LRP1B: variants seen among roughly 807,000 people sequenced by gnomAD.
The protein encoded by LRP1B is low-density lipoprotein receptor-related protein 1B.
LRP1B carries 217 observed loss-of-function variants against 556.6 expected under a neutral mutation model. The observed-to-expected ratio is 0.39, with a 90% CI of 0.35 to 0.44. The LOEUF is 0.44. Ranked by LOEUF, LRP1B falls within the 20% of genes least tolerant of loss-of-function variation. LRP1B has a pLI of 1.00. For missense variants in LRP1B, 5,053 were observed against 5,620.8 expected (o/e 0.90, Z 3.23); for synonymous variants, 2,047 against 1,865.8 (o/e 1.10, Z -2.50).
Position 140,393,845 on chromosome 2 carries a change from G to C in LRP1B, c.10415-7836C>G, listed in dbSNP as rs182241379. 6.4e-4 allele frequency among the ~76,000 whole-genome samples: 98 copies of C among 152,192 alleles called. 2 individuals carry two copies. Among genetic ancestry groups the C allele is most frequent in the Non-Finnish European group, 1.0e-4 (7 of 68,012 alleles). The stretch of plus-strand genomic sequence containing the variant: ...TGTAGAAGACCTCATCTTCTCTTGG[G>C]AGGCAGATTAACCATCTCTTAACTA... On this transcript the variant is annotated intron_variant, in intron 66 of 90. Coordinates refer to ENST00000389484, the MANE Select transcript of LRP1B (RefSeq NM_018557.3).
intron 29 of LRP1B, among the ~76,000 whole-genome samples, chr2:140,849,099 G>A (rs1244301115): frequency 6.7e-6 from 1 of 150,314 alleles, no homozygotes; most frequent in Non-Finnish European, 1.5e-5. Flanking sequence ...GCTCACAGCT[G>A]TAATCCCAGC....
intron 1 of LRP1B, among the ~76,000 whole-genome samples, chr2:142,075,078 C>T (rs1219177389): frequency 2.0e-5 from 3 of 152,072 alleles, no homozygotes; most frequent in African/African-American, 7.2e-5. Flanking sequence ...TCATTAACAG[C>T]CAGCACATTA....
intron 67 of LRP1B, among the ~76,000 whole-genome samples, chr2:140,384,947 A>G (rs1400414425): frequency 6.6e-6 from 1 of 152,224 alleles, no homozygotes; most frequent in Non-Finnish European, 1.5e-5. Context: ...AGTGTATAAA[A>G]GTGCCAATAA....
At chr2:140,420,779 G>A (rs927227461) in intron 66 of LRP1B, among the ~76,000 whole-genome samples, 9 of 152,158 alleles carry the variant, frequency 5.9e-5, no homozygotes, top group African/African-American at 1.9e-4. Context: ...CTTGTTTTAT[G>A]TAAATGCACA....
At chr2:142,012,176 G>T (rs1227208475) in intron 1 of LRP1B, among the ~76,000 whole-genome samples, 1 of 151,966 alleles carries the variant, frequency 6.6e-6, no homozygotes, top group African/African-American at 2.4e-5. Flanking sequence ...TCCAAATTAG[G>T]TAGGACTGAT....
chr2:140,331,009 A>G (rs1024976949), intron 79 of LRP1B, among the ~76,000 whole-genome samples: 19 of 152,230 alleles, frequency 1.2e-4, no homozygotes, highest in African/African-American at 4.1e-4. Flanking sequence ...ATAGTACTTC[A>G]TACTATTAGA....
chr2:142,078,001 G>C (rs1194646877), intron 1 of LRP1B, among the ~76,000 whole-genome samples: 1 of 152,054 alleles, frequency 6.6e-6, no homozygotes, highest in Non-Finnish European at 1.5e-5. Flanking sequence ...GTTCACTGTG[G>C]CCTGAAACAC....
At chr2:141,952,274 C>T (rs1236641266) in intron 1 of LRP1B, among the ~76,000 whole-genome samples, 1 of 151,758 alleles carries the variant, frequency 6.6e-6, no homozygotes, top group Admixed American at 6.6e-5. Flanking sequence ...GGGTTGGTTC[C>T]AAGTCTTTGC....
chr2:141,583,900 C>T (rs144325867), intron 2 of LRP1B, among the ~76,000 whole-genome samples: 4,031 of 146,436 alleles, frequency 0.028, 195 homozygotes, highest in African/African-American at 0.096. Context: ...CCACCATGCC[C>T]GGCTAATTTT....
intron 2 of LRP1B, among the ~76,000 whole-genome samples, chr2:141,772,452 G>T (rs905903950): frequency 6.6e-6 from 1 of 152,118 alleles, no homozygotes; most frequent in Non-Finnish European, 1.5e-5. Context: ...GGCATTCCCT[G>T]ATCCACAGCA....
chr2:140,232,560 G>A lies in LRP1B; in HGVS notation c.*626C>T, dbSNP rs577573075. 2.0e-5 allele frequency: 3 copies of A among 151,834 alleles called. No homozygotes were observed. The highest frequency in any genetic ancestry group is 4.8e-5 in the African/African-American group (2 of 41,434). 9.4% of individuals were successfully genotyped at this position (151,834 alleles called of 1,614,324 possible). ...TAGAGTCCACTAAGTTTTGGAAAAT[G>A]TAGTCATCTGTGTTCATGCAAATTA... On this transcript the variant is annotated 3_prime_UTR_variant, in exon 91 of 91. Transcript: ENST00000389484.
At chr2:141,285,993 GGAGGCGGAGCTTGCAGT>G (rs201586790) in intron 3 of LRP1B, among the ~76,000 whole-genome samples, 14,186 of 145,816 alleles carry the variant, frequency 0.097, 830 homozygotes, top group East Asian at 0.15. Context: ...CGTGAACCCG[GGAGGCGGAGCTTGCAGT>G]GAGCCAAGAT....
At chr2:141,759,181 A>AT (rs1477539130) in intron 2 of LRP1B, among the ~76,000 whole-genome samples, 2 of 152,310 alleles carry the variant, frequency 1.3e-5, no homozygotes, top group Middle Eastern at 3.4e-3. Context: ...AAGCCATGAC[A>AT]TAAAAAGAGA....
At chr2:141,551,995 C>T (rs57341800) in intron 2 of LRP1B, among the ~76,000 whole-genome samples, 4,839 of 152,014 alleles carry the variant, frequency 0.032, 276 homozygotes, top group African/African-American at 0.11. Flanking sequence ...ACTGGGGTTC[C>T]AGTGTATTTT....
intron 1 of LRP1B, among the ~76,000 whole-genome samples, chr2:141,852,767 T>C (rs1327923050): frequency 1.3e-5 from 2 of 151,090 alleles, no homozygotes; most frequent in African/African-American, 4.8e-5. Context: ...GCTGAACCTA[T>C]AAAATAAACT....
chr2:140,873,958 C>A (rs1476990566), intron 25 of LRP1B, among the ~76,000 whole-genome samples: 3 of 150,950 alleles, frequency 2.0e-5, no homozygotes, highest in South Asian at 4.2e-4. Context: ...GGTAAGAAAG[C>A]TTAAAGAGAA....
At chr2:140,543,110 C>T (rs1296106065) in intron 43 of LRP1B, among the ~76,000 whole-genome samples, 2 of 152,018 alleles carry the variant, frequency 1.3e-5, no homozygotes, top group African/African-American at 2.4e-5. Flanking sequence ...TCGTAAAAGC[C>T]AAGCCTGAAA....
intron 3 of LRP1B, among the ~76,000 whole-genome samples, chr2:141,307,747 C>A (rs1686649304): frequency 6.6e-6 from 1 of 152,144 alleles, no homozygotes; most frequent in Non-Finnish European, 1.5e-5. Context: ...AGAGCCAGAG[C>A]AGCATATGGT....
intron 2 of LRP1B, among the ~76,000 whole-genome samples, chr2:141,782,574 G>A (rs1695291525): frequency 7.4e-6 from 1 of 135,158 alleles, no homozygotes; most frequent in Non-Finnish European, 1.5e-5. Context: ...TCTGTAACTG[G>A]GGTAACTAAC....
Sources: gnomAD v4.1 joint callset for allele counts (sites outside exome capture counted in the v4.1 genomes callset) on GRCh38, gnomAD v4.1.1 for gene constraint, MANE v1.5 for transcripts, NCBI Gene and HGNC (gene_info 2026-07-23, HGNC 2026-07-21) for gene names.